Variants in ZNF780B observed in about 807,000 individuals in gnomAD.
ZNF780B encodes zinc finger protein 780B.
Under a neutral mutation model 74.1 loss-of-function variants are expected in ZNF780B, and 52 were observed. The ratio of observed to expected loss-of-function variants is 0.70; its 90% CI spans 0.56 to 0.88. The LOEUF is 0.88. ZNF780B is among the 40% of genes least tolerant of loss of function. ZNF780B has a pLI of 0.00. For missense variants in ZNF780B, 953 were observed against 1,007.6 expected (o/e 0.95, Z 0.73); for synonymous variants, 315 against 324.3 (o/e 0.97, Z 0.31).
intron 4 of ZNF780B, among the ~76,000 whole-genome samples, chr19:40,038,635 T>C (rs1462479559): frequency 2.6e-5 from 4 of 151,652 alleles, no homozygotes; most frequent in Non-Finnish European, 3.0e-5. Context: ...TATCTCATTG[T>C]GGTTTTGATT....
intron 1 of ZNF780B, 119 bp from the exon 2 acceptor site, chr19:40,050,496 C>A: frequency 1.0e-6 from 1 of 980,692 alleles, no homozygotes; most frequent in Non-Finnish European, 1.5e-6. Flanking sequence ...ACGCACACTT[C>A]CACCCTTCTC....
rs2144679795 is a variant in ZNF780B, at chr19:40,032,597, A to C, written c.*1760T>G. Reference sequence around the variant, plus strand: ...GCTGGGCATGGTGGCGGGTGCCTCTAGTCCCAGCTACTCAGGAGGCTGAGG... The same window carrying C: ...GCTGGGCATGGTGGCGGGTGCCTCTCGTCCCAGCTACTCAGGAGGCTGAGG... On this transcript the variant is annotated 3_prime_UTR_variant, in exon 5 of 5. Transcript: ENST00000434248. 5.4e-6 allele frequency: 1 copy of C among 184,522 alleles called. No homozygotes were observed. Among genetic ancestry groups the C allele is most frequent in the South Asian group, 1.0e-4 (1 of 9,798 alleles). The allele number at this position is 184,522 out of a possible 1,614,324, so 11.4% of individuals were successfully genotyped here.
Position 40,047,456 on chromosome 19 carries a change from T to C in ZNF780B, c.151A>G (p.Lys51Glu). 1.2e-6 allele frequency: 2 copies of C among 1,611,156 alleles called. No individual in the cohort carries two copies. Among genetic ancestry groups the C allele is most frequent in the South Asian group, 1.1e-5 (1 of 90,394 alleles). ...TCTAGTAATGTAATCACATCTGGCT[T>C]AGAAATGGAACTTCCTGCTTAAAAG... Reference protein sequence around the residue: ...HLISLGSSISKPDVITLLEQE... With the variant: ...HLISLGSSISEPDVITLLEQE... The change falls in exon 4 of 5, where the codon AAG (lysine) becomes GAG (glutamate). Residue 51 changes from lysine to glutamate, a missense_variant. By Grantham distance (56) the Lys-to-Glu change is moderately conservative. Transcript: ENST00000434248.
chr19:40,034,565 C>T lies in ZNF780B; in HGVS notation c.2294G>A (p.Gly765Asp), dbSNP rs758616841. ...CKECGKAFNR[G>D]SNLVQPQSIH... ...ACTCTGAGGTTGAACAAGGTTTGAG[C>T]CACGATTAAAGGCCTTCCCACACTC... is the stretch of plus-strand genomic sequence containing the variant. Residue 765 changes from glycine to aspartate, a missense_variant, in exon 5 of 5, where the codon GGC (glycine) becomes GAC (aspartate). Coordinates refer to ENST00000434248, the MANE Select transcript of ZNF780B (RefSeq NM_001005851.3). 1.2e-5 allele frequency: 20 copies of T among 1,609,676 alleles called. No homozygotes were observed. Among genetic ancestry groups the T allele is most frequent in the South Asian group, 1.1e-4 (10 of 90,826 alleles).
intron 4 of ZNF780B, among the ~76,000 whole-genome samples, chr19:40,041,767 T>TC (rs1972651874): frequency 6.6e-6 from 1 of 152,214 alleles, no homozygotes; most frequent in African/African-American, 2.4e-5. Flanking sequence ...TGGTAGATCT[T>TC]CCTCCATCCC....
At chr19:40,038,092 G>C (rs1427945929) in intron 4 of ZNF780B, among the ~76,000 whole-genome samples, 2 of 151,800 alleles carry the variant, frequency 1.3e-5, no homozygotes, top group African/African-American at 4.8e-5. Flanking sequence ...ATTCCCCGGA[G>C]TGTGATGTTC....
chr19:40,037,272 G>A (rs1972385464), intron 4 of ZNF780B, among the ~76,000 whole-genome samples: 1 of 149,310 alleles, frequency 6.7e-6, no homozygotes, highest in South Asian at 2.1e-4. Context: ...ATAGGCTATA[G>A]TGCAATGGCA....
chr19:40,042,168 C>G (rs1007886789), intron 4 of ZNF780B, among the ~76,000 whole-genome samples: 1 of 152,092 alleles, frequency 6.6e-6, no homozygotes, highest in South Asian at 2.1e-4. Flanking sequence ...ACTTATGAAA[C>G]TTAGTTTGGC....
intron 4 of ZNF780B, among the ~76,000 whole-genome samples, chr19:40,040,665 C>A (rs533130450): frequency 6.6e-6 from 1 of 152,230 alleles, no homozygotes. Context: ...AGGAATTTAT[C>A]CATTTCTTCT....
At position 40,035,966 on chromosome 19, in the gene ZNF780B, A is replaced by AT. The variant is rs747330094; in HGVS notation, c.892dup (p.Ile298AsnfsTer5). On this transcript the variant is annotated frameshift_variant, in exon 5 of 5. Coordinates refer to ENST00000434248, the MANE Select transcript of ZNF780B (RefSeq NM_001005851.3). LOFTEE classifies it high-confidence loss of function. The stretch of plus-strand genomic sequence containing the variant: ...TACAAAGGGTTTCTCATTGGAATGA[A>AT]TTTTTTGATGCTGAATAAGATTTGA... The AT allele has an allele frequency of 1.2e-6, 2 of 1,613,700 alleles. No individual in the cohort carries two copies. The highest frequency in any genetic ancestry group is 1.7e-6 in the Non-Finnish European group (2 of 1,179,942).
Position 40,035,390 on chromosome 19 carries a change from C to T in ZNF780B, c.1469G>A (p.Arg490Gln), listed in dbSNP as rs372642244. 19 of 1,613,820 alleles carry T rather than the reference C, an allele frequency of 1.2e-5. No homozygotes were observed. The highest frequency in any genetic ancestry group is 9.4e-5 in the African/African-American group (7 of 74,854). ...KAFSLLTQLA[R>Q]HKNIHTGEKP... ...CTCACCAGTATGAATGTTCTTATGT[C>T]GAGCAAGCTGTGTCAGAAGACTAAA... is the stretch of plus-strand genomic sequence containing the variant. Residue 490 changes from arginine (R) to glutamine (Q), a missense_variant, in exon 5 of 5, where the codon CGA becomes CAA. Arg to Gln is a conservative substitution (Grantham distance 43, BLOSUM62 1). Transcript: ENST00000434248.
intron 4 of ZNF780B, among the ~76,000 whole-genome samples, chr19:40,041,116 T>C (rs1599776052): frequency 1.3e-5 from 2 of 152,310 alleles, no homozygotes; most frequent in South Asian, 4.1e-4. Context: ...TCTTTGTTCT[T>C]GTTGGTTTCA....
chr19:40,035,284 A>T lies in ZNF780B; in HGVS notation c.1575T>A (p.Gly525=). The T allele has an allele frequency of 3.7e-6, 6 of 1,614,112 alleles. No homozygotes were observed. Among genetic ancestry groups the T allele is most frequent in the Non-Finnish European group, 5.1e-6 (6 of 1,180,002 alleles). ...ACTCCTTACATTCATAGGGCTTCTC[A>T]CCAGTGTGAATACTCTGATGTTGAA... The part of the protein sequence containing the change: ...NLVQHQSIHT[G]EKPYECKECG... The change falls in exon 5 of 5, where the codon GGT becomes GGA. Residue 525 remains glycine (G), a synonymous_variant. Coordinates refer to ENST00000434248, the MANE Select transcript of ZNF780B (RefSeq NM_001005851.3).
In ZNF780B at chr19:40,033,342, C is replaced by T. The variant is rs934680374; in HGVS notation, c.*1015G>A. On this transcript the variant is annotated 3_prime_UTR_variant, in exon 5 of 5. Transcript: ENST00000434248. The stretch of plus-strand genomic sequence containing the variant: ...TATAAAATGCAGTAACTGCAATGCA[C>T]AATTAAGCAAGGTACGCCTGTATCC... The T allele has an allele frequency of 6.5e-6, 1 of 154,934 alleles. No homozygotes were observed. Among genetic ancestry groups the T allele is most frequent in the Admixed American group, 6.5e-5 (1 of 15,290 alleles). The allele number at this position is 154,934 out of a possible 1,614,324, so 9.6% of individuals were successfully genotyped here. A position where few individuals can be genotyped will look rare whatever the true frequency, so the allele number is the denominator to read the frequency against.
At position 40,030,416 on chromosome 19, in the gene ZNF780B, C is replaced by T. The variant is rs1423574347; in HGVS notation, c.*3941G>A. On this transcript the variant is annotated 3_prime_UTR_variant, in exon 5 of 5. Coordinates refer to ENST00000434248, the MANE Select transcript of ZNF780B (RefSeq NM_001005851.3). Reference sequence around the variant, plus strand: ...TAATTTATTCATGAGGGATCTTCTCCCATGACCCACACACCTCCCATTAGG... The same window carrying T: ...TAATTTATTCATGAGGGATCTTCTCTCATGACCCACACACCTCCCATTAGG... The T allele has an allele frequency of 6.6e-6, 1 of 152,144 alleles. No homozygotes were observed. Among genetic ancestry groups the T allele is most frequent in the Non-Finnish European group, 1.5e-5 (1 of 68,034 alleles). 9.4% of individuals were successfully genotyped at this position (152,144 alleles called of 1,614,324 possible).
chr19:40,032,154 A>G lies in ZNF780B; in HGVS notation c.*2203T>C. ...ACATTTCTGGGCTACTCAAAATTCA[A>G]TGTCATTTTTTTAAAATGAGAAATG... On this transcript the variant is annotated 3_prime_UTR_variant, in exon 5 of 5. Transcript: ENST00000434248. 9.2e-6 allele frequency: 4 copies of G among 434,988 alleles called. No homozygotes were observed. Among genetic ancestry groups the G allele is most frequent in the South Asian group, 4.8e-5 (3 of 62,040 alleles). 26.9% of individuals were successfully genotyped at this position (434,988 alleles called of 1,614,324 possible). A position where few individuals can be genotyped will look rare whatever the true frequency, so the allele number is the denominator to read the frequency against.
intron 1 of ZNF780B, among the ~76,000 whole-genome samples, chr19:40,054,202 T>TTGGGGTCGGGGG (rs1177933268): frequency 6.6e-6 from 1 of 152,018 alleles, no homozygotes; most frequent in East Asian, 1.9e-4. Context: ...GAGAATGGTG[T>TTGGGGTCGGGGG]TTACAGGTCG....
In ZNF780B at chr19:40,044,004, T is replaced by C. The variant is rs141307409; in HGVS notation, c.232+3371A>G. On this transcript the variant is annotated intron_variant, in intron 4 of 4. Coordinates refer to ENST00000434248, the MANE Select transcript of ZNF780B (RefSeq NM_001005851.3). ...CACCCATCTTCTGCATCGCTCATGC[T>C]GGGAGCTGTACACCGGAGCTGTTCC... Among the ~76,000 whole-genome samples the C allele has an allele frequency of 8.6e-3, 1,309 of 152,340 alleles. 18 individuals carry two copies. Among genetic ancestry groups the C allele is most frequent in the African/African-American group, 0.03 (1,244 of 41,578 alleles).
intron 4 of ZNF780B, among the ~76,000 whole-genome samples, chr19:40,045,577 C>T (rs1050040340): frequency 1.3e-5 from 2 of 152,142 alleles, no homozygotes; most frequent in African/African-American, 2.4e-5. Flanking sequence ...ACCTAAGTGT[C>T]CCCCAACAGA....
Sources: allele counts gnomAD v4.1 joint callset (sites outside exome capture counted in the v4.1 genomes callset), GRCh38; gene constraint gnomAD v4.1.1; transcripts MANE v1.5; gene names NCBI Gene and HGNC (gene_info 2026-07-23, HGNC 2026-07-21).